CCSER1: variants seen among roughly 807,000 people sequenced by gnomAD.
CCSER1 encodes the protein serine-rich coiled-coil domain-containing protein 1.
In CCSER1, 41 loss-of-function variants were observed where a neutral mutation model predicts 82.0. The observed-to-expected ratio is 0.50, with a 90% CI of 0.39 to 0.65. CCSER1 has a LOEUF of 0.65. Among genes scored for constraint, CCSER1 ranks in the 30% least tolerant of loss-of-function variants. The pLI, the probability that CCSER1 is intolerant of heterozygous loss-of-function variation, is 0.00. For synonymous variants in CCSER1, 414 were observed against 383.9 expected (o/e 1.08, Z -0.92); for missense variants, 1,119 against 1,064.2 (o/e 1.05, Z -0.72).
At chr4:90,987,552 T>C (rs936621396) in intron 9 of CCSER1, among the ~76,000 whole-genome samples, 1 of 151,738 alleles carries the variant, frequency 6.6e-6, no homozygotes, top group Non-Finnish European at 1.5e-5. Context: ...ATATGCTACT[T>C]GTACCAAGGC....
At chr4:90,730,469 G>A (rs1744496144) in intron 7 of CCSER1, among the ~76,000 whole-genome samples, 1 of 152,156 alleles carries the variant, frequency 6.6e-6, no homozygotes, top group South Asian at 2.1e-4. Context: ...CATGTTCTTA[G>A]TAATATTCTA....
chr4:91,296,424 C>A (rs1744165729), intron 10 of CCSER1, among the ~76,000 whole-genome samples: 1 of 132,632 alleles, frequency 7.5e-6, no homozygotes. Flanking sequence ...TCATATTTTT[C>A]TGGTGTAAAC....
intron 1 of CCSER1, among the ~76,000 whole-genome samples, chr4:90,232,038 C>A (rs1744681174): frequency 6.6e-6 from 1 of 152,130 alleles, no homozygotes; most frequent in Non-Finnish European, 1.5e-5. Context: ...TTGAAAATGG[C>A]CATTCTGCCC....
chr4:90,660,564 C>T (rs929868203), intron 6 of CCSER1, among the ~76,000 whole-genome samples: 2 of 151,942 alleles, frequency 1.3e-5, no homozygotes, highest in Admixed American at 6.6e-5. Context: ...TTCATAAAAG[C>T]TGTGTAAGCC....
intron 4 of CCSER1, among the ~76,000 whole-genome samples, chr4:90,452,738 G>A (rs1229655948): frequency 6.6e-6 from 1 of 152,210 alleles, no homozygotes; most frequent in East Asian, 1.9e-4. Flanking sequence ...AAGTTAGGGA[G>A]TGGATCTGGT....
intron 1 of CCSER1, among the ~76,000 whole-genome samples, chr4:90,275,025 A>G (rs1177081390): frequency 6.6e-6 from 1 of 152,188 alleles, no homozygotes; most frequent in Non-Finnish European, 1.5e-5. Flanking sequence ...AAATGAAATT[A>G]CTTACAATAC....
At position 91,149,911 on chromosome 4, in the gene CCSER1, A is replaced by G. The variant is rs565990996; in HGVS notation, c.2217+63917A>G. ...GTAGTATAGTTTGAAGTCAGGTAGC[A>G]TGATGCCTCCAGCTTTGTTCTTGTG... On this transcript the variant is annotated intron_variant, in intron 10 of 10. Transcript: ENST00000509176. 1.2e-4 allele frequency among the ~76,000 whole-genome samples: 19 copies of G among 152,120 alleles called. No individual in the cohort carries two copies. In the South Asian group the frequency reaches 3.6e-3, roughly 29 times the overall value.
chr4:91,026,418 C>A (rs1320514143), intron 9 of CCSER1, among the ~76,000 whole-genome samples: 1 of 152,074 alleles, frequency 6.6e-6, no homozygotes, highest in East Asian at 1.9e-4. Flanking sequence ...TGTTTTAAAT[C>A]ATTCCTTGAA....
At chr4:91,465,057 T>C (rs908192458) in intron 10 of CCSER1, among the ~76,000 whole-genome samples, 2 of 152,200 alleles carry the variant, frequency 1.3e-5, no homozygotes, top group Non-Finnish European at 2.9e-5. Flanking sequence ...TATACATTTT[T>C]CTCAGCACCA....
rs573012333 is a variant in CCSER1 at position 91,147,005 on chromosome 4, C to A, written c.2217+61011C>A. 6.6e-5 allele frequency among the ~76,000 whole-genome samples: 10 copies of A among 152,260 alleles called. No individual in the cohort carries two copies. The South Asian group carries it at 2.1e-3, about 32-fold the overall frequency. ...TGGCACTGTGCTTATGTTTCCTTAG[C>A]CTCAAGGCAGGCTTTGGCAGGCTGT... On this transcript the variant is annotated intron_variant, in intron 10 of 10. Coordinates refer to ENST00000509176, the MANE Select transcript of CCSER1 (RefSeq NM_001145065.2).
At chr4:90,959,998 T>A (rs1042502303) in intron 9 of CCSER1, among the ~76,000 whole-genome samples, 1 of 152,300 alleles carries the variant, frequency 6.6e-6, no homozygotes, top group South Asian at 2.1e-4. Flanking sequence ...TGTCTGTCTC[T>A]TAATTGTGCT....
chr4:90,140,021 A>T (rs1724450686), intron 1 of CCSER1, among the ~76,000 whole-genome samples: 1 of 152,196 alleles, frequency 6.6e-6, no homozygotes, highest in Non-Finnish European at 1.5e-5. Context: ...AGATCTCGGT[A>T]ATCATCTTGA....
chr4:91,463,583 C>T lies in CCSER1; in HGVS notation c.2218-134989C>T, dbSNP rs145901520. On this transcript the variant is annotated intron_variant, in intron 10 of 10. Coordinates refer to ENST00000509176, the MANE Select transcript of CCSER1 (RefSeq NM_001145065.2). Reference sequence around the variant, plus strand: ...GCTAAAGGAGGAAGTTCGAACCCATCGCAAAGAAGCTACAAACCTTCAAAA... The same window carrying T: ...GCTAAAGGAGGAAGTTCGAACCCATTGCAAAGAAGCTACAAACCTTCAAAA... Among the ~76,000 whole-genome samples, 394 of 152,196 alleles carry T rather than the reference C, an allele frequency of 2.6e-3. 11 individuals are homozygous for T. The East Asian group carries it at 0.062, about 24-fold the overall frequency.
chr4:90,730,000 A>T (rs1055312726), intron 7 of CCSER1, among the ~76,000 whole-genome samples: 1 of 152,198 alleles, frequency 6.6e-6, no homozygotes, highest in Non-Finnish European at 1.5e-5. Flanking sequence ...TAACCTGGTA[A>T]CCTCCTAAAA....
intron 5 of CCSER1, among the ~76,000 whole-genome samples, chr4:90,495,772 A>T (rs1242291482): frequency 2.6e-5 from 4 of 152,184 alleles, no homozygotes; most frequent in Non-Finnish European, 5.9e-5. Flanking sequence ...ATTAAATAAG[A>T]GGCCCACATT....
intron 9 of CCSER1, among the ~76,000 whole-genome samples, chr4:90,939,838 C>T (rs1212356746): frequency 6.6e-6 from 1 of 151,884 alleles, no homozygotes; most frequent in Non-Finnish European, 1.5e-5. Flanking sequence ...TTGATTTTGC[C>T]TCTTAAAACA....
chr4:90,573,176 T>C (rs542510428), intron 5 of CCSER1, among the ~76,000 whole-genome samples: 1 of 152,036 alleles, frequency 6.6e-6, no homozygotes, highest in African/African-American at 2.4e-5. Context: ...TGCAGGTGAC[T>C]GGGGCTTGCT....
At chr4:91,079,856 A>G (rs1231571904) in intron 9 of CCSER1, among the ~76,000 whole-genome samples, 1 of 152,174 alleles carries the variant, frequency 6.6e-6, no homozygotes, top group Non-Finnish European at 1.5e-5. Flanking sequence ...CAATTCAACA[A>G]AAAGAGCTAA....
At chr4:91,140,508 C>T (rs1308788403) in intron 10 of CCSER1, among the ~76,000 whole-genome samples, 1 of 151,890 alleles carries the variant, frequency 6.6e-6, no homozygotes, top group African/African-American at 2.4e-5. Flanking sequence ...TTCTTCTTTT[C>T]TGAGTCTATA....
Sources: allele counts gnomAD v4.1 joint callset (sites outside exome capture counted in the v4.1 genomes callset), GRCh38; gene constraint gnomAD v4.1.1; transcripts MANE v1.5; gene names NCBI Gene and HGNC (gene_info 2026-07-23, HGNC 2026-07-21).